Variants in EML5 observed in about 807,000 individuals in gnomAD.
EML5 encodes the protein EMAP like 5.
A neutral mutation model predicts 250.0 loss-of-function variants in EML5; 120 were observed. The observed-to-expected ratio is 0.48, with a 90% confidence interval of 0.41 to 0.56. EML5 has a LOEUF of 0.56. Among genes scored for constraint, EML5 ranks in the 20% least tolerant of loss-of-function variants. The pLI is 0.00. For synonymous variants in EML5, 771 were observed against 806.5 expected (o/e 0.96, Z 0.75); for missense variants, 2,006 against 2,437.6 (o/e 0.82, Z 3.73).
At chr14:88,774,269 G>C (rs2094426276) in intron 1 of EML5, among the ~76,000 whole-genome samples, 1 of 152,200 alleles carries the variant, frequency 6.6e-6, no homozygotes, top group Non-Finnish European at 1.5e-5. Flanking sequence ...GCCGTTGCTA[G>C]TCTGAAGACC....
chr14:88,704,444 T>G (rs1471983124), intron 13 of EML5, among the ~76,000 whole-genome samples: 1 of 152,170 alleles, frequency 6.6e-6, no homozygotes, highest in East Asian at 1.9e-4. Context: ...GCTTCAGGTA[T>G]TCCTTTATAG....
chr14:88,641,564 AC>A (rs1258600509), intron 31 of EML5, among the ~76,000 whole-genome samples: 1 of 152,228 alleles, frequency 6.6e-6, no homozygotes, highest in Non-Finnish European at 1.5e-5. Flanking sequence ...AGAATTAAAA[AC>A]AAAAACCATA....
At chr14:88,644,313 A>C (rs1192893626) in intron 30 of EML5, 120 bp downstream of exon 30, 1 of 847,892 alleles carries the variant, frequency 1.2e-6, no homozygotes, top group Non-Finnish European at 1.8e-6. Context: ...GAATTAAGTC[A>C]AACAAAAAAC....
intron 1 of EML5, among the ~76,000 whole-genome samples, chr14:88,768,390 A>G (rs1434995177): frequency 6.6e-6 from 1 of 151,828 alleles, no homozygotes; most frequent in African/African-American, 2.4e-5. Flanking sequence ...AACATTTACT[A>G]CTAAAATATT....
chr14:88,642,896 T>C lies in EML5; in HGVS notation c.4234A>G (p.Thr1412Ala). 6.2e-7 allele frequency: 1 copy of C among 1,601,038 alleles called. No homozygotes were observed. Among genetic ancestry groups the C allele is most frequent in the Non-Finnish European group, 8.5e-7 (1 of 1,176,042 alleles). Reference protein sequence around the residue: ...ASVGILHNVATGSQSFYQEHN... With the variant: ...ASVGILHNVAAGSQSFYQEHN... ...ATGGAGAATCAGGGTTTCCTACCTG[T>C]AGCAACATTGTGCAGAATTCCAACA... is the stretch of plus-strand genomic sequence containing the variant. Residue 1412 changes from threonine (T) to alanine (A), a missense_variant, in exon 31 of 44, where the codon ACA (threonine) becomes GCA (alanine). Around this residue, in one of 7 missense-constraint regions of EML5, gnomAD observed 1,375 missense variants for 1,590.3 expected, o/e 0.86. Coordinates refer to ENST00000554922, the MANE Select transcript of EML5 (RefSeq NM_183387.3).
chr14:88,738,843 G>T (rs932236670), intron 6 of EML5, 36 bp downstream of exon 6: 9 of 1,537,400 alleles, frequency 5.9e-6, no homozygotes, highest in Non-Finnish European at 7.9e-6. Context: ...GAAGTTTAGA[G>T]TTTGCCTAGT....
intron 1 of EML5, among the ~76,000 whole-genome samples, chr14:88,786,527 TAAG>T (rs1229768709): frequency 6.6e-6 from 1 of 152,190 alleles, no homozygotes; most frequent in Non-Finnish European, 1.5e-5. Context: ...GAAAGGGTCT[TAAG>T]AAGGTGTAAC....
intron 21 of EML5, among the ~76,000 whole-genome samples, chr14:88,674,095 C>T (rs1347830434): frequency 2.6e-5 from 4 of 152,134 alleles, no homozygotes; most frequent in African/African-American, 9.7e-5. Flanking sequence ...ATAGTGAAAC[C>T]TTGTCTCTAC....
Position 88,618,306 on chromosome 14 carries a change from T to G in EML5, c.5564A>C (p.His1855Pro). The change falls in exon 41 of 44, where the codon CAT becomes CCT. Residue 1855 changes from histidine to proline, a missense_variant. His to Pro is a moderately conservative substitution (Grantham distance 77). Coordinates refer to ENST00000554922, the MANE Select transcript of EML5 (RefSeq NM_183387.3). Reference protein sequence around the residue: ...LQVSSGCYKRHVYEVPSGKHL... With the variant: ...LQVSSGCYKRPVYEVPSGKHL... ...TTTTCCTGAAGGCACTTCATAGACA[T>G]GCCGTTTATAGCAGCCACTAGAGAC... The G allele has an allele frequency of 1.2e-6, 2 of 1,613,782 alleles. No individual in the cohort carries two copies. Among genetic ancestry groups the G allele is most frequent in the Non-Finnish European group, 1.7e-6 (2 of 1,179,852 alleles).
chr14:88,671,544 C>A (rs750082618), intron 21 of EML5, among the ~76,000 whole-genome samples: 3 of 152,282 alleles, frequency 2.0e-5, no homozygotes, highest in African/African-American at 7.2e-5. Flanking sequence ...CAAATTCACA[C>A]ATAACAATAT....
intron 27 of EML5, among the ~76,000 whole-genome samples, chr14:88,654,266 T>A (rs2091771849): frequency 5.9e-5 from 9 of 152,166 alleles, no homozygotes; most frequent in Admixed American, 5.9e-4. Flanking sequence ...AAGGGTTTTT[T>A]GTGTCTCTCT....
chr14:88,714,948 T>C lies in EML5; in HGVS notation c.1435A>G (p.Arg479Gly), dbSNP rs1438854354. 10 of 1,611,282 alleles carry C rather than the reference T, an allele frequency of 6.2e-6. No homozygotes were observed. The highest frequency in any genetic ancestry group is 3.4e-5 in the Admixed American group (2 of 59,642). ...NDGNGKRLFY[R>G]MPGGKEVTST... ...TGCTAGAAATTGTTACCTGGCATTC[T>C]ATAAAAAAGTCTTTTCCCATTTCCA... The change falls in exon 9 of 44, where the codon AGA becomes GGA. Residue 479 changes from arginine (R) to glycine (G), a missense_variant. Physicochemically the swap from Arg to Gly is moderately radical, Grantham distance 125. Transcript: ENST00000554922.
intron 1 of EML5, among the ~76,000 whole-genome samples, chr14:88,770,803 T>A (rs2094384266): frequency 6.6e-6 from 1 of 152,182 alleles, no homozygotes; most frequent in Non-Finnish European, 1.5e-5. Context: ...ACAGATGTAA[T>A]CATCTGAGGG....
At chr14:88,733,879 T>A (rs1295107922) in intron 7 of EML5, among the ~76,000 whole-genome samples, 1 of 152,090 alleles carries the variant, frequency 6.6e-6, no homozygotes, top group Non-Finnish European at 1.5e-5. Flanking sequence ...TTTTAAAAAA[T>A]AATTTTGGGG....
intron 9 of EML5, 137 bp from the exon 10 acceptor site, chr14:88,712,620 TAG>T: frequency 3.2e-6 from 2 of 619,526 alleles, no homozygotes; most frequent in Non-Finnish European, 5.5e-6. Flanking sequence ...CATAAATAGG[TAG>T]ATAAGTTTGG....
At chr14:88,636,463 C>G (rs535171633) in intron 32 of EML5, among the ~76,000 whole-genome samples, 1 of 152,258 alleles carries the variant, frequency 6.6e-6, no homozygotes, top group Non-Finnish European at 1.5e-5. Context: ...GAGATCAAGA[C>G]CATCCTGGCC....
chr14:88,711,500 A>G (rs1396842840), intron 10 of EML5, among the ~76,000 whole-genome samples: 2 of 151,346 alleles, frequency 1.3e-5, no homozygotes, highest in African/African-American at 4.9e-5. Context: ...AGGAAAAACT[A>G]CCATTTATAA....
At chr14:88,627,918 G>T (rs985062554) in intron 33 of EML5, 99 bp from the exon 34 acceptor site, 2 of 1,109,990 alleles carry the variant, frequency 1.8e-6, no homozygotes, top group African/African-American at 1.6e-5. Flanking sequence ...GGACAAATGT[G>T]TACCAAACAA....
At chr14:88,700,957 T>G (rs185433881) in intron 14 of EML5, among the ~76,000 whole-genome samples, 98 of 151,016 alleles carry the variant, frequency 6.5e-4, no homozygotes, top group African/African-American at 1.8e-3. Context: ...ATAAGCTGGG[T>G]TTTTTTTTGC....
Sources: allele counts gnomAD v4.1 joint callset (sites outside exome capture counted in the v4.1 genomes callset), GRCh38; gene constraint gnomAD v4.1.1; regional missense constraint gnomAD v4.1.1; transcripts MANE v1.5; gene names NCBI Gene and HGNC (gene_info 2026-07-23, HGNC 2026-07-21).